Variants in CBARP observed in about 807,000 individuals in gnomAD.
CBARP encodes the protein voltage-dependent calcium channel beta subunit-associated regulatory protein.
In CBARP, 24 loss-of-function variants were observed where a neutral mutation model predicts 36.3. The ratio of observed to expected loss-of-function variants is 0.66; its 90% CI spans 0.48 to 0.93. The LOEUF (loss-of-function observed/expected upper bound fraction) is 0.93. CBARP is among the 40% of genes least tolerant of loss of function. The probability of loss-of-function intolerance (pLI) is 0.00; values close to 1 mark genes in which losing one functional copy is unlikely to be tolerated. For missense variants in CBARP, 1,146 were observed against 980.4 expected, an observed-to-expected ratio of 1.17 and a Z score of -2.26; for synonymous variants, 586 against 453.2, an observed-to-expected ratio of 1.29 and a Z score of -3.72.
intron 6 of CBARP, 89 bp downstream of exon 6, chr19:1,234,480 GAA>G (rs2080935719): frequency 1.4e-6 from 2 of 1,443,690 alleles, no homozygotes; most frequent in South Asian, 2.9e-5. Flanking sequence ...GGGCCACCCA[GAA>G]AAAGAGTGGG....
chr19:1,233,603 C>T lies in CBARP; in HGVS notation c.802G>A (p.Gly268Arg). Reference protein sequence around the residue: ...DAGTRSTKAGGPGAAAGPGEA... With the variant: ...DAGTRSTKAGRPGAAAGPGEA... Reference sequence around the variant, plus strand: ...CCAGGCCCTGCTGCAGCCCCGGGCCCTCCAGCCTTGGTGCTCCTGGTACCG... The same window carrying T: ...CCAGGCCCTGCTGCAGCCCCGGGCCTTCCAGCCTTGGTGCTCCTGGTACCG... Residue 268 changes from glycine to arginine, a missense_variant, in exon 8 of 10, where the codon GGG becomes AGG. Transcript: ENST00000650044. The T allele has an allele frequency of 1.2e-6, 2 of 1,610,184 alleles. No individual in the cohort carries two copies. Among genetic ancestry groups the T allele is most frequent in the African/African-American group, 1.3e-5 (1 of 75,012 alleles).
At chr19:1,233,771 G>A in intron 7 of CBARP, 135 bp from the exon 8 acceptor site, 1 of 893,390 alleles carries the variant, frequency 1.1e-6, no homozygotes, top group South Asian at 1.8e-5. Context: ...CCTGCTCGGA[G>A]AGGGGCAGAA....
chr19:1,233,080 G>A (rs2080914976), intron 8 of CBARP, among the ~76,000 whole-genome samples: 1 of 152,226 alleles, frequency 6.6e-6, no homozygotes, highest in South Asian at 2.1e-4. Flanking sequence ...CAGGCCACAG[G>A]CCCCACCCTC....
At chr19:1,233,704 G>A in intron 7 of CBARP, 68 bp from the exon 8 acceptor site, 1 of 1,469,528 alleles carries the variant, frequency 6.8e-7, no homozygotes, top group Non-Finnish European at 9.2e-7. Flanking sequence ...GCCCCAGGTG[G>A]CCGTAGGTCT....
At chr19:1,232,286 C>T (rs1321554154) in intron 8 of CBARP, among the ~76,000 whole-genome samples, 3 of 152,160 alleles carry the variant, frequency 2.0e-5, no homozygotes, top group Non-Finnish European at 2.9e-5. Context: ...CCTTCCCCTC[C>T]CTGGCCCCTA....
intron 8 of CBARP, 75 bp downstream of exon 8, chr19:1,233,351 G>C: frequency 7.2e-7 from 1 of 1,397,502 alleles, no homozygotes. Context: ...TCCTGCTCCT[G>C]GATGTCCAGG....
At chr19:1,230,780 T>G (rs886136627) in intron 9 of CBARP, 78 of 1,347,070 alleles carry the variant, frequency 5.8e-5, no homozygotes, top group Admixed American at 3.4e-4. Flanking sequence ...GGGGCGGGGG[T>G]GGGAGAGGGC....
At position 1,236,048 on chromosome 19, in the gene CBARP, G is replaced by A; in HGVS notation, c.53C>T (p.Thr18Ile). 1.4e-6 allele frequency: 2 copies of A among 1,396,124 alleles called. No individual in the cohort carries two copies. The highest frequency in any genetic ancestry group is 2.5e-5 in the Admixed American group (1 of 39,718). The allele number at this position is 1,396,124 out of a possible 1,614,324, so 86.5% of individuals were successfully genotyped here. A position where few individuals can be genotyped will look rare whatever the true frequency, so the allele number is the denominator to read the frequency against. Residue 18 changes from threonine (T) to isoleucine (I), a missense_variant, in exon 2 of 10, where the codon ACT becomes ATT. Transcript: ENST00000650044. ...ATAATTTTTT[T>I]ATVALTTSWD... ...CGACGTCGTCAGGGCTACTGTGGCAGTGGTGGTGGTGGTGGTGGTGGCGGC... is the reference window on the plus strand; with the variant it reads ...CGACGTCGTCAGGGCTACTGTGGCAATGGTGGTGGTGGTGGTGGTGGCGGC...
At chr19:1,235,216 T>C (rs1015407826) in intron 4 of CBARP, 71 bp from the exon 5 acceptor site, 50 of 1,373,676 alleles carry the variant, frequency 3.6e-5, no homozygotes, top group Non-Finnish European at 4.3e-5. Context: ...GGAGGGCTGC[T>C]CCTCCGGGCG....
chr19:1,231,673 T>G (rs2080896603), intron 8 of CBARP, among the ~76,000 whole-genome samples: 1 of 146,542 alleles, frequency 6.8e-6, no homozygotes, highest in African/African-American at 2.5e-5. Context: ...ACAACGCGTG[T>G]GCCCTGTCTC....
In CBARP at chr19:1,231,322, C is replaced by T. The variant is rs1482111461; in HGVS notation, c.980-47G>A. The stretch of plus-strand genomic sequence containing the variant: ...AGCGTCAGCCGGCATGTGCCTCCAC[C>T]CGCTCCACACACACACAGAATGCCT... On this transcript the variant is annotated intron_variant, in intron 8 of 9. Coordinates refer to ENST00000650044, the MANE Select transcript of CBARP (RefSeq NM_001393918.1). 6 of 1,570,708 alleles carry T rather than the reference C, an allele frequency of 3.8e-6. No homozygotes were observed. The East Asian group carries it at 6.8e-5, about 18-fold the overall frequency.
At chr19:1,231,918 T>C (rs902848790) in intron 8 of CBARP, among the ~76,000 whole-genome samples, 1 of 152,034 alleles carries the variant, frequency 6.6e-6, no homozygotes, top group African/African-American at 2.4e-5. Context: ...CTGGTCAACA[T>C]GTGGCCACTC....
At position 1,228,845 on chromosome 19, in the gene CBARP, C is replaced by CGA. The variant is rs1568723576; in HGVS notation, c.*332_*333dup. ...CGGCCGCCCCGTCCGGGACTGAGGGCGAGTGATCGTTGTCCTCAGGAGCCC... is the reference window on the plus strand; with the variant it reads ...CGGCCGCCCCGTCCGGGACTGAGGGCGAGAGTGATCGTTGTCCTCAGGAGCCC... On this transcript the variant is annotated 3_prime_UTR_variant, in exon 10 of 10. Transcript: ENST00000650044. The CGA allele has an allele frequency of 6.8e-6, 1 of 147,620 alleles. No homozygotes were observed. Among genetic ancestry groups the CGA allele is most frequent in the Admixed American group, 6.7e-5 (1 of 14,870 alleles). 9.1% of individuals were successfully genotyped at this position (147,620 alleles called of 1,614,324 possible). A position where few individuals can be genotyped will look rare whatever the true frequency, so the allele number is the denominator to read the frequency against.
intron 7 of CBARP, among the ~76,000 whole-genome samples, chr19:1,233,856 T>C (rs944481159): frequency 3.3e-5 from 5 of 152,122 alleles, no homozygotes; most frequent in Admixed American, 2.0e-4. Flanking sequence ...TCCCTGGATA[T>C]GGGGTTTGGA....
intron 7 of CBARP, 140 bp from the exon 8 acceptor site, chr19:1,233,776 G>T: frequency 1.2e-6 from 1 of 850,682 alleles, no homozygotes; most frequent in South Asian, 1.8e-5. Context: ...TCGGAGAGGG[G>T]CAGAAGCGGG....
Position 1,235,061 on chromosome 19 carries a change from A to G in CBARP, c.395T>C (p.Val132Ala). The change falls in exon 5 of 10, where the codon GTC becomes GCC. Residue 132 changes from valine (V) to alanine (A), a missense_variant. Coordinates refer to ENST00000650044, the MANE Select transcript of CBARP (RefSeq NM_001393918.1). ...FLSTSSTGRR[V>A]SFNEAALFEQ... ...AAACAGCGCCGCCTCATTGAAGGAG[A>G]CCCGGCGGCCCGTGGAGCTGGTGGA... The G allele has an allele frequency of 6.2e-7, 1 of 1,611,042 alleles. No homozygotes were observed. The highest frequency in any genetic ancestry group is 8.5e-7 in the Non-Finnish European group (1 of 1,179,176).
Position 1,229,691 on chromosome 19 carries a change from G to T in CBARP, c.1606C>A (p.Pro536Thr). ...TCGTCGATGCTGTAGTCGCGGCGCG[G>T]GCGGCGGGGCCAGGCGCGCGGGCTG... ...PRSPRAWPRR[P>T]RRDYSIDEKT... is the part of the protein sequence containing the mutation. The change falls in exon 10 of 10, where the codon CCG (proline) becomes ACG (threonine). Residue 536 changes from proline to threonine, a missense_variant. Pro to Thr is a conservative substitution (Grantham distance 38, BLOSUM62 -1). Transcript: ENST00000650044. This position sits in a 1 kb window ranked among gnomAD's most constrained non-coding sequence, Gnocchi z 5.1. The T allele has an allele frequency of 9.5e-7, 1 of 1,053,366 alleles. No homozygotes were observed. Among genetic ancestry groups the T allele is most frequent in the South Asian group, 2.2e-5 (1 of 44,480 alleles). 65.3% of individuals were successfully genotyped at this position (1,053,366 alleles called of 1,614,324 possible).
At position 1,229,999 on chromosome 19, in the gene CBARP, C is replaced by G. The variant is rs1190539363; in HGVS notation, c.1298G>C (p.Ser433Thr). ...GCGCAGGCTCCACAGGTCGCGGTAG[C>G]TGGTCTGGGCCTGCTCGGGGCCCGC... ...RDAGPEQAQT[S>T]YRDLWSLRAS... Residue 433 changes from serine to threonine, a missense_variant, in exon 10 of 10, where the codon AGC becomes ACC. Coordinates refer to ENST00000650044, the MANE Select transcript of CBARP (RefSeq NM_001393918.1). The surrounding 1 kb of genome is among the most constrained non-coding windows in gnomAD (Gnocchi z 5.1). 1.6e-6 allele frequency: 2 copies of G among 1,232,282 alleles called. No individual in the cohort carries two copies. Among genetic ancestry groups the G allele is most frequent in the African/African-American group, 1.6e-5 (1 of 61,022 alleles). 76.3% of individuals were successfully genotyped at this position (1,232,282 alleles called of 1,614,324 possible).
Position 1,229,245 on chromosome 19 carries a change from C to T in CBARP, c.2052G>A (p.Glu684=), listed in dbSNP as rs748681978. 39 of 1,239,920 alleles carry T rather than the reference C, an allele frequency of 3.1e-5. No homozygotes were observed. Among genetic ancestry groups the T allele is most frequent in the Non-Finnish European group, 4.0e-5 (39 of 967,166 alleles). The allele number at this position is 1,239,920 out of a possible 1,614,324, so 76.8% of individuals were successfully genotyped here. A position where few individuals can be genotyped will look rare whatever the true frequency, so the allele number is the denominator to read the frequency against. ...CCAACGCGGGAGTCGCCACGACGGG[C>T]TCGGCGAGGCGCGGCGGAAAGAGTC... ...DERLFPPRLA[E]PVVATPALVA... Residue 684 remains glutamate, a synonymous_variant, in exon 10 of 10, where the codon GAG becomes GAA. Coordinates refer to ENST00000650044, the MANE Select transcript of CBARP (RefSeq NM_001393918.1). The surrounding 1 kb of genome is among the most constrained non-coding windows in gnomAD (Gnocchi z 5.1).
Sources: allele counts gnomAD v4.1 joint callset (sites outside exome capture counted in the v4.1 genomes callset), GRCh38; gene constraint gnomAD v4.1.1; non-coding constraint Gnocchi (gnomAD v3.1); transcripts MANE v1.5; gene names NCBI Gene and HGNC (gene_info 2026-07-23, HGNC 2026-07-21).